SLC25A37: variants seen among roughly 807,000 people sequenced by gnomAD.
The protein encoded by SLC25A37 is solute carrier family 25 member 37.
In SLC25A37, 17 loss-of-function variants were observed where a neutral mutation model predicts 31.0. The observed-to-expected ratio is 0.55, with a 90% CI of 0.38 to 0.82. The LOEUF (loss-of-function observed/expected upper bound fraction) is 0.82, where lower values mean the gene tolerates loss of function less well. Among genes scored for constraint, SLC25A37 ranks in the 40% least tolerant of loss-of-function variants. The pLI is 0.00. For synonymous variants in SLC25A37, 222 were observed against 193.0 expected, an observed-to-expected ratio of 1.15 and a Z score of -1.24; for missense variants, 404 against 465.8, an observed-to-expected ratio of 0.87 and a Z score of 1.22.
At chr8:23,562,367 A>C (rs1802538996) in intron 1 of SLC25A37, among the ~76,000 whole-genome samples, 1 of 152,232 alleles carries the variant, frequency 6.6e-6, no homozygotes, top group Non-Finnish European at 1.5e-5. Context: ...AGGTGATGGC[A>C]AGCACAGCTA....
chr8:23,538,978 A>G (rs1399290793), intron 1 of SLC25A37, among the ~76,000 whole-genome samples: 4 of 151,904 alleles, frequency 2.6e-5, no homozygotes, highest in Admixed American at 1.3e-4. Flanking sequence ...CCTCCCCACC[A>G]TCCTCACCCT....
intron 1 of SLC25A37, among the ~76,000 whole-genome samples, chr8:23,533,833 C>A (rs1801709849): frequency 6.6e-6 from 1 of 152,246 alleles, no homozygotes; most frequent in Admixed American, 6.5e-5. Context: ...TTGGCTGGAC[C>A]ATGCCAGGAT....
chr8:23,550,777 C>A (rs1030405633), intron 1 of SLC25A37, among the ~76,000 whole-genome samples: 2 of 152,234 alleles, frequency 1.3e-5, no homozygotes, highest in African/African-American at 4.8e-5. Context: ...TAGTGAGACA[C>A]ACTTGGTGTA....
chr8:23,550,712 A>G (rs957310135), intron 1 of SLC25A37, among the ~76,000 whole-genome samples: 3 of 152,238 alleles, frequency 2.0e-5, no homozygotes, highest in East Asian at 3.9e-4. Context: ...AACTTGGAAC[A>G]GGGCTGTGTC....
chr8:23,549,268 C>T (rs751795399), intron 1 of SLC25A37, among the ~76,000 whole-genome samples: 2 of 152,176 alleles, frequency 1.3e-5, no homozygotes, highest in African/African-American at 2.4e-5. Flanking sequence ...TGGGGAGTCA[C>T]TCATCTCTGG....
At chr8:23,558,888 C>G (rs373966681) in intron 1 of SLC25A37, among the ~76,000 whole-genome samples, 2 of 152,218 alleles carry the variant, frequency 1.3e-5, no homozygotes, top group Admixed American at 6.5e-5. Flanking sequence ...TTATTTGGCA[C>G]CCTCTTTCCC....
At chr8:23,543,600 A>C (rs562518926) in intron 1 of SLC25A37, among the ~76,000 whole-genome samples, 17 of 152,144 alleles carry the variant, frequency 1.1e-4, no homozygotes, top group African/African-American at 4.1e-4. Flanking sequence ...GCTGGTTGTG[A>C]TGGCTCATGC....
intron 1 of SLC25A37, chr8:23,543,207 T>A (rs1453330632): frequency 6.6e-6 from 1 of 152,086 alleles, no homozygotes; most frequent in East Asian, 1.9e-4. Context: ...TAGCTGGGAT[T>A]ACAGGTGCGC....
Position 23,546,547 on chromosome 8 carries a change from ATATATAGTG to A in SLC25A37, c.210+17342_210+17350del, listed in dbSNP as rs1338523667. Among the ~76,000 whole-genome samples the A allele has an allele frequency of 6.5e-3, 136 of 20,820 alleles. 1 individual carries two copies. Among genetic ancestry groups the A allele is most frequent in the African/African-American group, 0.046 (107 of 2,312 alleles). The allele number at this position is 20,820 out of a possible 152,430, so 13.7% of individuals were successfully genotyped here. A position where few individuals can be genotyped will look rare whatever the true frequency, so the allele number is the denominator to read the frequency against. Reference sequence around the variant, plus strand: ...TATATAGGTGTATATATATATATATATATATAGTGTATATATATATATATATATATATAT... The same window carrying A: ...TATATAGGTGTATATATATATATATATATATATATATATATATATATATAT... On this transcript the variant is annotated intron_variant, in intron 1 of 3. Coordinates refer to ENST00000519973, the MANE Select transcript of SLC25A37 (RefSeq NM_016612.4).
In SLC25A37 at chr8:23,571,401, T is replaced by C; in HGVS notation, c.563T>C (p.Val188Ala). The C allele has an allele frequency of 6.2e-7, 1 of 1,613,668 alleles. No individual in the cohort carries two copies. The highest frequency in any genetic ancestry group is 8.5e-7 in the Non-Finnish European group (1 of 1,179,710). The stretch of plus-strand genomic sequence containing the variant: ...TCAGCAATCAGCTGCATCCGGACGG[T>C]GTGGAGGACCGAGGGGTTGGGGGCC... ...HRSAISCIRTVWRTEGLGAFY... is the reference protein window; with the variant it reads ...HRSAISCIRTAWRTEGLGAFY... Residue 188 changes from valine (V) to alanine (A), a missense_variant, in exon 4 of 4, where the codon GTG becomes GCG. Transcript: ENST00000519973.
At chr8:23,541,151 C>T (rs546327297) in intron 1 of SLC25A37, among the ~76,000 whole-genome samples, 1 of 152,138 alleles carries the variant, frequency 6.6e-6, no homozygotes, top group East Asian at 1.9e-4. Flanking sequence ...ACAGCATGCT[C>T]ATTTCGTGGT....
intron 1 of SLC25A37, among the ~76,000 whole-genome samples, chr8:23,542,678 CT>C (rs35952455): frequency 0.94 from 87,166 of 93,100 alleles, 40,916 homozygotes; most frequent in Middle Eastern, 0.96. Flanking sequence ...CGCCCCTGGC[CT>C]TTTTTTTTTT....
intron 1 of SLC25A37, among the ~76,000 whole-genome samples, chr8:23,557,230 C>T (rs13254494): frequency 0.6 from 91,675 of 151,892 alleles, 27,927 homozygotes; most frequent in East Asian, 0.71. Flanking sequence ...CCCTCTTCTG[C>T]CAAGGAGCCT....
rs1354449971 is a variant in SLC25A37 at position 23,550,176 on chromosome 8, C to T, written c.211-15932C>T. Reference sequence around the variant, plus strand: ...AGCCTGGGCAACAAGAGCGAAATTCCGTTTCAAAAAAAAAAAAAAAAAAAA... The same window carrying T: ...AGCCTGGGCAACAAGAGCGAAATTCTGTTTCAAAAAAAAAAAAAAAAAAAA... On this transcript the variant is annotated intron_variant, in intron 1 of 3. Coordinates refer to ENST00000519973, the MANE Select transcript of SLC25A37 (RefSeq NM_016612.4). Among the ~76,000 whole-genome samples the T allele has an allele frequency of 2.3e-4, 24 of 102,676 alleles. 2 individuals carry two copies. The highest frequency in any genetic ancestry group is 7.8e-4 in the Admixed American group (7 of 8,960). 67.4% of individuals were successfully genotyped at this position (102,676 alleles called of 152,430 possible). A position where few individuals can be genotyped will look rare whatever the true frequency, so the allele number is the denominator to read the frequency against.
chr8:23,559,951 TC>T (rs2117440946), intron 1 of SLC25A37, among the ~76,000 whole-genome samples: 1 of 152,324 alleles, frequency 6.6e-6, no homozygotes, highest in East Asian at 1.9e-4. Context: ...TTTTTTCCCC[TC>T]TCTGATCCTC....
Position 23,528,969 on chromosome 8 carries a change from T to C in SLC25A37, c.-34T>C. ...GCGCCCCTCCCCCTCCCTGCCCACCTCCTGCAGCCTCCTGCGCCCCGCCGA... is the reference window on the plus strand; with the variant it reads ...GCGCCCCTCCCCCTCCCTGCCCACCCCCTGCAGCCTCCTGCGCCCCGCCGA... On this transcript the variant is annotated 5_prime_UTR_variant, in exon 1 of 4. Transcript: ENST00000519973. The C allele has an allele frequency of 7.0e-7, 1 of 1,435,062 alleles. No homozygotes were observed. The highest frequency in any genetic ancestry group is 9.2e-7 in the Non-Finnish European group (1 of 1,092,244). The allele number at this position is 1,435,062 out of a possible 1,614,324, so 88.9% of individuals were successfully genotyped here. A position where few individuals can be genotyped will look rare whatever the true frequency, so the allele number is the denominator to read the frequency against.
rs1802869379 is a variant in SLC25A37, at chr8:23,572,118, A to C, written c.*263A>C. 6.1e-6 allele frequency: 2 copies of C among 330,240 alleles called. No individual in the cohort carries two copies. Among genetic ancestry groups the C allele is most frequent in the African/African-American group, 4.4e-5 (2 of 45,008 alleles). The allele number at this position is 330,240 out of a possible 1,614,324, so 20.5% of individuals were successfully genotyped here. A position where few individuals can be genotyped will look rare whatever the true frequency, so the allele number is the denominator to read the frequency against. ...TTCTCTTCCTCCCTGGGCAGAATGT[A>C]GCTTTTCTGCTTCACTGTGGCAGCC... On this transcript the variant is annotated 3_prime_UTR_variant, in exon 4 of 4. Transcript: ENST00000519973.
chr8:23,555,839 C>T (rs557920891), intron 1 of SLC25A37, among the ~76,000 whole-genome samples: 1 of 152,374 alleles, frequency 6.6e-6, no homozygotes, highest in African/African-American at 2.4e-5. Context: ...TCTCCCCCCT[C>T]CAACATCAGG....
rs376194584 is a variant in SLC25A37, at chr8:23,566,317, A to G, written c.420A>G (p.Gly140=). 2.2e-4 allele frequency: 350 copies of G among 1,593,186 alleles called. No individual in the cohort carries two copies. The highest frequency in any genetic ancestry group is 1.7e-4 in the Non-Finnish European group (198 of 1,172,968). Residue 140 remains glycine, a synonymous_variant, in exon 2 of 4, where the codon GGA becomes GGG. Transcript: ENST00000519973. ...RTLNDVFHHQ[G]NSHLANGIAG... Reference sequence around the variant, plus strand: ...TAAATGACGTTTTCCACCACCAAGGAAACAGCCACCTAGCCAACGGTATTT... The same window carrying G: ...TAAATGACGTTTTCCACCACCAAGGGAACAGCCACCTAGCCAACGGTATTT...
Sources: allele counts gnomAD v4.1 joint callset (sites outside exome capture counted in the v4.1 genomes callset), GRCh38; gene constraint gnomAD v4.1.1; transcripts MANE v1.5; gene names NCBI Gene and HGNC (gene_info 2026-07-23, HGNC 2026-07-21).